Variants in ATP8A1 observed in about 807,000 individuals in gnomAD.
The protein encoded by ATP8A1 is phospholipid-transporting ATPase IA.
Under a neutral mutation model 177.7 loss-of-function variants are expected in ATP8A1, and 90 were observed. The observed-to-expected ratio is 0.51, with a 90% CI of 0.43 to 0.60. The LOEUF (loss-of-function observed/expected upper bound fraction) is 0.60. ATP8A1 is among the 20% of genes least tolerant of loss of function. The pLI, the probability that ATP8A1 is intolerant of heterozygous loss-of-function variation, is 0.00. For missense variants in ATP8A1, 1,072 were observed against 1,392.8 expected (o/e 0.77, Z 3.67); for synonymous variants, 493 against 485.9 (o/e 1.01, Z -0.19).
chr4:42,640,987 G>A (rs184406826), intron 1 of ATP8A1, among the ~76,000 whole-genome samples: 24 of 145,700 alleles, frequency 1.6e-4, no homozygotes, highest in African/African-American at 5.7e-4. Flanking sequence ...AGGAGCAGAC[G>A]TACAGAGACT....
At chr4:42,472,533 G>T (rs1281421498) in intron 25 of ATP8A1, among the ~76,000 whole-genome samples, 1 of 152,054 alleles carries the variant, frequency 6.6e-6, no homozygotes, top group Non-Finnish European at 1.5e-5. Context: ...CGGATCACGA[G>T]GTCAGGAGTT....
intron 15 of ATP8A1, among the ~76,000 whole-genome samples, chr4:42,558,147 ACTCCT>A (rs1362352585): frequency 6.6e-6 from 1 of 152,150 alleles, no homozygotes; most frequent in African/African-American, 2.4e-5. Context: ...AGCTTCCACC[ACTCCT>A]CTCCAAAATT....
chr4:42,604,163 C>T (rs1300080574), intron 5 of ATP8A1, among the ~76,000 whole-genome samples: 1 of 152,198 alleles, frequency 6.6e-6, no homozygotes, highest in Non-Finnish European at 1.5e-5. Context: ...AACTTGTACA[C>T]ACACCTTGTA....
chr4:42,473,685 G>T lies in ATP8A1; in HGVS notation c.2325-8609C>A, dbSNP rs558891445. ...TTTTGAGATGAGGTCTTGCTCTGTC[G>T]CCCAGGCTGGAATGCAGTGGCACAA... is the stretch of plus-strand genomic sequence containing the variant. On this transcript the variant is annotated intron_variant, in intron 25 of 36. Transcript: ENST00000381668. Among the ~76,000 whole-genome samples, 26 of 151,944 alleles carry T rather than the reference G, an allele frequency of 1.7e-4. No homozygotes were observed. The South Asian group carries it at 3.3e-3, about 19-fold the overall frequency.
At chr4:42,636,685 A>G (rs1219404283) in intron 1 of ATP8A1, among the ~76,000 whole-genome samples, 2 of 152,154 alleles carry the variant, frequency 1.3e-5, no homozygotes, top group Non-Finnish European at 2.9e-5. Context: ...GCAGTGGACA[A>G]TCTGCTCTTT....
chr4:42,575,637 A>G lies in ATP8A1; in HGVS notation c.1191T>C (p.Asn397=). The G allele has an allele frequency of 6.2e-7, 1 of 1,613,632 alleles. No individual in the cohort carries two copies. Among genetic ancestry groups the G allele is most frequent in the Non-Finnish European group, 8.5e-7 (1 of 1,179,686 alleles). The change falls in exon 13 of 37, where the codon AAT becomes AAC. Residue 397 remains asparagine, a synonymous_variant. Coordinates refer to ENST00000381668, the MANE Select transcript of ATP8A1 (RefSeq NM_006095.2). ...TTGAGTTTACCTGGCCAAGTTCCTC[A>G]TTCAGATTAGATGTTCGAGCCATAG... is the stretch of plus-strand genomic sequence containing the variant. ...TAAMARTSNL[N]EELGQVKYIF... is the part of the protein sequence containing the mutation.
In ATP8A1 at chr4:42,656,898, CTCAGCCCG is replaced by C. The variant is rs1253644031; in HGVS notation, c.-33_-26del. 1.2e-5 allele frequency: 19 copies of C among 1,567,980 alleles called. No homozygotes were observed. The highest frequency in any genetic ancestry group is 1.6e-5 in the Non-Finnish European group (19 of 1,156,672). On this transcript the variant is annotated 5_prime_UTR_variant, in exon 1 of 37. Coordinates refer to ENST00000381668, the MANE Select transcript of ATP8A1 (RefSeq NM_006095.2). ...TCGCGGCGGCGGCTGCAGGTGGGTC[CTCAGCCCG>C]GACTCTGCACCTGTCACGGCGTGGT...
chr4:42,501,698 T>C (rs1047826556), intron 24 of ATP8A1, among the ~76,000 whole-genome samples: 4 of 152,254 alleles, frequency 2.6e-5, no homozygotes, highest in Non-Finnish European at 5.9e-5. Flanking sequence ...TCTAATGATT[T>C]GCCTGAAATC....
intron 6 of ATP8A1, 75 bp from the exon 7 acceptor site, chr4:42,590,959 A>G: frequency 3.1e-6 from 4 of 1,295,090 alleles, no homozygotes; most frequent in Admixed American, 2.0e-5. Context: ...AAACAAATGG[A>G]CAAAAGAGAC....
chr4:42,555,333 T>C (rs1312146137), intron 16 of ATP8A1, among the ~76,000 whole-genome samples: 1 of 152,106 alleles, frequency 6.6e-6, no homozygotes, highest in African/African-American at 2.4e-5. Flanking sequence ...AACTTATTTC[T>C]ATAAGTTATT....
At chr4:42,645,052 A>G (rs921748571) in intron 1 of ATP8A1, among the ~76,000 whole-genome samples, 1 of 152,344 alleles carries the variant, frequency 6.6e-6, no homozygotes, top group Admixed American at 6.5e-5. Context: ...AAAAACTAGT[A>G]ATGACACTGC....
At chr4:42,541,555 A>G (rs1728388438) in intron 20 of ATP8A1, among the ~76,000 whole-genome samples, 1 of 152,232 alleles carries the variant, frequency 6.6e-6, no homozygotes, top group African/African-American at 2.4e-5. Flanking sequence ...CTATGTTTAC[A>G]CAAAAACATG....
intron 20 of ATP8A1, among the ~76,000 whole-genome samples, chr4:42,528,679 A>T (rs1291522290): frequency 6.6e-6 from 1 of 152,096 alleles, no homozygotes; most frequent in East Asian, 1.9e-4. Flanking sequence ...GTCCTACCCC[A>T]GGGGCATATC....
rs1357805168 is a variant in ATP8A1, at chr4:42,543,958, G to A, written c.1681C>T (p.Arg561Cys). 3.7e-6 allele frequency: 6 copies of A among 1,612,862 alleles called. No homozygotes were observed. The highest frequency in any genetic ancestry group is 1.7e-5 in the Admixed American group (1 of 59,946). Residue 561 changes from arginine (R) to cysteine (C), a missense_variant, in exon 20 of 37, where the codon CGC becomes TGC. Around this residue, in one of 5 missense-constraint regions of ATP8A1, gnomAD observed 388 missense variants for 471.7 expected, o/e 0.82. Coordinates refer to ENST00000381668, the MANE Select transcript of ATP8A1 (RefSeq NM_006095.2). Reference sequence around the variant, plus strand: ...AGTCGTAACTTTCCAGATGGAGTGCGAACAATCACTGACATTCTTTTCCTA... The same window carrying A: ...AGTCGTAACTTTCCAGATGGAGTGCAAACAATCACTGACATTCTTTTCCTA... ...SARKRMSVIV[R>C]TPSGKLRLYC... is the part of the protein sequence containing the mutation.
chr4:42,462,569 C>T (rs11729879), intron 27 of ATP8A1, among the ~76,000 whole-genome samples: 29,439 of 152,242 alleles, frequency 0.19, 3,034 homozygotes, highest in Non-Finnish European at 0.23. Flanking sequence ...GCCTGGATGC[C>T]CAGGCATAAG....
chr4:42,494,910 G>A (rs1394587229), intron 24 of ATP8A1, among the ~76,000 whole-genome samples: 5 of 152,108 alleles, frequency 3.3e-5, no homozygotes, highest in South Asian at 2.1e-4. Context: ...TCATTCTTAG[G>A]TTTTGTTTTT....
rs1196176428 is a variant in ATP8A1, at chr4:42,657,105, T to A, written c.-232A>T. 1 of 361,352 alleles carries A rather than the reference T, an allele frequency of 2.8e-6. No homozygotes were observed. Among genetic ancestry groups the A allele is most frequent in the Admixed American group, 5.5e-5 (1 of 18,194 alleles). The allele number at this position is 361,352 out of a possible 1,614,324, so 22.4% of individuals were successfully genotyped here. A position where few individuals can be genotyped will look rare whatever the true frequency, so the allele number is the denominator to read the frequency against. Reference sequence around the variant, plus strand: ...GCGCCCGCAGAGCTGGGCGAGCTCTTGCTGCAGCCGCGGAGGGGCGGCTCG... The same window carrying A: ...GCGCCCGCAGAGCTGGGCGAGCTCTAGCTGCAGCCGCGGAGGGGCGGCTCG... On this transcript the variant is annotated 5_prime_UTR_variant, in exon 1 of 37. Coordinates refer to ENST00000381668, the MANE Select transcript of ATP8A1 (RefSeq NM_006095.2).
chr4:42,509,041 T>C (rs1319862413), intron 22 of ATP8A1, among the ~76,000 whole-genome samples: 1 of 152,264 alleles, frequency 6.6e-6, no homozygotes, highest in Non-Finnish European at 1.5e-5. Flanking sequence ...GGAATGCTTT[T>C]TGGCTGCAAG....
In ATP8A1 at chr4:42,616,071, T is replaced by C. The variant is rs1173906440; in HGVS notation, c.371A>G (p.His124Arg). ...IKEIIEDIKR[H>R]KADNAVNKKQ... is the part of the protein sequence containing the mutation. The stretch of plus-strand genomic sequence containing the variant: ...CTTGTTCACTGCATTATCAGCTTTA[T>C]GTCGTTTCTAAAGTTTAAAAGCAAA... Residue 124 changes from histidine (H) to arginine (R), a missense_variant, in exon 5 of 37, where the codon CAT becomes CGT. This residue lies in a region of ATP8A1 where 344 missense variants were observed against 393.5 expected (regional missense o/e 0.87). Coordinates refer to ENST00000381668, the MANE Select transcript of ATP8A1 (RefSeq NM_006095.2). 1.2e-6 allele frequency: 2 copies of C among 1,611,736 alleles called. No homozygotes were observed. The highest frequency in any genetic ancestry group is 1.7e-6 in the Non-Finnish European group (2 of 1,179,282).
Sources: gnomAD v4.1 joint callset for allele counts (sites outside exome capture counted in the v4.1 genomes callset) on GRCh38, gnomAD v4.1.1 for gene constraint, gnomAD v4.1.1 regional missense constraint, MANE v1.5 for transcripts, NCBI Gene and HGNC (gene_info 2026-07-23, HGNC 2026-07-21) for gene names.